The following FKBP1A variants were observed in gnomAD, a reference collection of about 807,000 sequenced individuals.
FKBP1A encodes peptidyl-prolyl cis-trans isomerase FKBP1A.
Under a neutral mutation model 14.2 loss-of-function variants are expected in FKBP1A, and 5 were observed. That is an observed-to-expected ratio of 0.35 (90% CI 0.18 to 0.74). FKBP1A has a LOEUF of 0.74. Ranked by LOEUF, FKBP1A falls within the 30% of genes least tolerant of loss-of-function variation. The pLI is 0.56. For synonymous variants in FKBP1A, 42 were observed against 49.1 expected, an observed-to-expected ratio of 0.86 and a Z score of 0.60; for missense variants, 53 against 138.8, an observed-to-expected ratio of 0.38 and a Z score of 3.10.
chr20:1,374,574 C>T (rs948772060), intron 3 of FKBP1A: 14 of 152,176 alleles, frequency 9.2e-5, no homozygotes, highest in Non-Finnish European at 1.5e-4. Context: ...AGTGCAACCC[C>T]TAGAGATGGT....
intron 2 of FKBP1A, among the ~76,000 whole-genome samples, chr20:1,380,649 A>G (rs182426572): frequency 2.6e-5 from 4 of 152,332 alleles, no homozygotes; most frequent in African/African-American, 7.2e-5. Flanking sequence ...GCTTCTCAGT[A>G]TAAAACTCAG....
At chr20:1,373,895 A>G (rs865966425) in intron 3 of FKBP1A, among the ~76,000 whole-genome samples, 4 of 152,234 alleles carry the variant, frequency 2.6e-5, no homozygotes, top group Non-Finnish European at 5.9e-5. Context: ...CAAGGGAAGT[A>G]AACTACAAAG....
chr20:1,373,041 C>T (rs2089489994), intron 3 of FKBP1A: 1 of 152,228 alleles, frequency 6.6e-6, no homozygotes. Context: ...TGCTTTTGGT[C>T]TCCATGTGTA....
intron 4 of FKBP1A, chr20:1,370,945 T>C: frequency 1.0e-6 from 1 of 985,418 alleles, no homozygotes; most frequent in African/African-American, 1.7e-5. Context: ...AAGAAACCAG[T>C]TATCAAACTT....
Position 1,379,585 on chromosome 20 carries a change from CTGTTGTCCCTGGGA to C in FKBP1A, c.86-3996_86-3983del, listed in dbSNP as rs1386003717. Among the ~76,000 whole-genome samples the C allele has an allele frequency of 1.3e-5, 2 of 152,190 alleles. No homozygotes were observed. The highest frequency in any genetic ancestry group is 4.8e-5 in the African/African-American group (2 of 41,434). ...ATTTTCCTATGCTATTTTGGATGCT[CTGTTGTCCCTGGGA>C]AAGGGGCATGAGACTTGCTCCAGAA... On this transcript the variant is annotated intron_variant, in intron 2 of 4. Coordinates refer to ENST00000400137, the MANE Select transcript of FKBP1A (RefSeq NM_000801.5). This position sits in a 1 kb window ranked among gnomAD's most constrained non-coding sequence, Gnocchi z 4.3.
chr20:1,370,096 A>G, intron 4 of FKBP1A, 24 bp from the exon 5 acceptor site: 1 of 1,544,822 alleles, frequency 6.5e-7, no homozygotes, highest in Non-Finnish European at 8.7e-7. Context: ...AAAATCTGTG[A>G]GTTTCCAGCA....
rs376879584 is a variant in FKBP1A at position 1,392,516 on chromosome 20, C to CT, written c.85+317dup. Among the ~76,000 whole-genome samples the CT allele has an allele frequency of 3.1e-3, 467 of 152,326 alleles. 2 individuals carry two copies. Among genetic ancestry groups the CT allele is most frequent in the African/African-American group, 0.011 (453 of 41,570 alleles). ...GGAAAGTGAGACCTTGGGAAAGTGA[C>CT]TTCGCCTCGCCAAGCCTCAGTTTCC... On this transcript the variant is annotated intron_variant, in intron 2 of 4. Transcript: ENST00000400137.
intron 2 of FKBP1A, among the ~76,000 whole-genome samples, chr20:1,384,133 C>T (rs1372730487): frequency 6.6e-6 from 1 of 152,186 alleles, no homozygotes; most frequent in Non-Finnish European, 1.5e-5. Flanking sequence ...CTTCTTCATT[C>T]CCATATGAGT....
chr20:1,389,168 T>C (rs764564350), intron 2 of FKBP1A, among the ~76,000 whole-genome samples: 17 of 152,228 alleles, frequency 1.1e-4, no homozygotes, highest in Non-Finnish European at 2.2e-4. Context: ...GGCCATACTA[T>C]CAGTCTCCTC....
In FKBP1A at chr20:1,390,326, G is replaced by A. The variant is rs865866684; in HGVS notation, c.85+2508C>T. ...AGAAATCTGAGCCAGATACTCAAAA[G>A]AAGACAGAGAAGCTGGCCATGGGGA... On this transcript the variant is annotated intron_variant, in intron 2 of 4. Transcript: ENST00000400137. Among the ~76,000 whole-genome samples, 14 of 129,554 alleles carry A rather than the reference G, an allele frequency of 1.1e-4. No homozygotes were observed. In the South Asian group the frequency reaches 2.0e-3, roughly 19 times the overall value. The allele number at this position is 129,554 out of a possible 152,430, so 85.0% of individuals were successfully genotyped here.
intron 2 of FKBP1A, among the ~76,000 whole-genome samples, chr20:1,380,573 A>G (rs1568589301): frequency 6.6e-6 from 1 of 152,196 alleles, no homozygotes; most frequent in Non-Finnish European, 1.5e-5. Flanking sequence ...ACTGAGCTCT[A>G]GACCTACCTA....
intron 2 of FKBP1A, among the ~76,000 whole-genome samples, chr20:1,392,028 G>A (rs2089743796): frequency 6.6e-6 from 1 of 152,302 alleles, no homozygotes; most frequent in African/African-American, 2.4e-5. Context: ...GCTGGGGAGG[G>A]GGAGGTGTCT....
intron 4 of FKBP1A, chr20:1,370,396 T>C (rs913137026): frequency 3.1e-5 from 31 of 984,200 alleles, no homozygotes; most frequent in Non-Finnish European, 3.7e-5. Context: ...CTGTGCTACA[T>C]ATAGGCATCA....
chr20:1,371,083 G>A, intron 4 of FKBP1A: 7 of 985,452 alleles, frequency 7.1e-6, no homozygotes, highest in Non-Finnish European at 8.4e-6. Flanking sequence ...TAGGATGGCA[G>A]CCATTTGTTG....
intron 2 of FKBP1A, among the ~76,000 whole-genome samples, chr20:1,391,366 C>T (rs1415160946): frequency 6.6e-6 from 1 of 152,158 alleles, no homozygotes; most frequent in African/African-American, 2.4e-5. Flanking sequence ...ACCAGACCTC[C>T]CAGGCTCAGG....
At chr20:1,371,711 CAA>C (rs2089467075) in intron 4 of FKBP1A, 1 of 997,042 alleles carries the variant, frequency 1.0e-6, no homozygotes, top group African/African-American at 1.7e-5. Flanking sequence ...CAGGGTAGAA[CAA>C]AGTCATTCAT....
In FKBP1A at chr20:1,372,224, C is replaced by G; in HGVS notation, c.215G>C (p.Arg72Thr). ...EGVAQMSVGQ[R>T]AKLTISPDYA... ...ATCTGGAGATATAGTCAGTTTGGCT[C>G]TCTGACCCACACTCATCTGTGAAAA... Residue 72 changes from arginine (R) to threonine (T), a missense_variant, in exon 4 of 5, where the codon AGA becomes ACA. By Grantham distance (71) the Arg-to-Thr change is moderately conservative (BLOSUM62 -1). This residue lies in a region of FKBP1A where 35 missense variants were observed against 118.1 expected (regional missense o/e 0.30). Transcript: ENST00000400137. 6.2e-7 allele frequency: 1 copy of G among 1,613,826 alleles called. No individual in the cohort carries two copies.
intron 2 of FKBP1A, 91 bp from the exon 3 acceptor site, chr20:1,375,694 T>G (rs1322775023): frequency 3.3e-6 from 3 of 909,022 alleles, no homozygotes. Context: ...GAGATGCCAG[T>G]GCTGAAGAGT....
chr20:1,380,575 A>C (rs1463195253), intron 2 of FKBP1A, among the ~76,000 whole-genome samples: 2 of 152,144 alleles, frequency 1.3e-5, no homozygotes, highest in South Asian at 4.1e-4. Flanking sequence ...TGAGCTCTAG[A>C]CCTACCTAAC....
Sources: gnomAD v4.1 joint callset for allele counts (sites outside exome capture counted in the v4.1 genomes callset) on GRCh38, gnomAD v4.1.1 for gene constraint, gnomAD v4.1.1 regional missense constraint, Gnocchi (gnomAD v3.1) non-coding constraint, MANE v1.5 for transcripts, NCBI Gene and HGNC (gene_info 2026-07-23, HGNC 2026-07-21) for gene names.